Variants in LUZP2 observed in about 807,000 individuals in gnomAD.
LUZP2 encodes leucine zipper protein 2.
LUZP2 carries 52 observed loss-of-function variants against 51.6 expected under a neutral mutation model. The ratio of observed to expected loss-of-function variants is 1.01; its 90% confidence interval spans 0.81 to 1.27. The LOEUF (loss-of-function observed/expected upper bound fraction) is 1.27, where lower values mean the gene tolerates loss of function less well. Ranked by LOEUF, LUZP2 falls within the 50% of genes most tolerant of loss-of-function variation. LUZP2 has a pLI of 0.00. For missense variants in LUZP2, 436 were observed against 395.4 expected, an observed-to-expected ratio of 1.10 and a Z score of -0.87; for synonymous variants, 154 against 137.3, an observed-to-expected ratio of 1.12 and a Z score of -0.85.
At chr11:24,680,460 C>T (rs913944321) in intron 1 of LUZP2, among the ~76,000 whole-genome samples, 2 of 152,180 alleles carry the variant, frequency 1.3e-5, no homozygotes, top group African/African-American at 4.8e-5. Context: ...TTCTCAGTGT[C>T]CCAGTGTTCC....
chr11:24,820,566 G>A (rs1453890683), intron 5 of LUZP2, among the ~76,000 whole-genome samples: 1 of 152,104 alleles, frequency 6.6e-6, no homozygotes, highest in African/African-American at 2.4e-5. Flanking sequence ...ACAGAAACTA[G>A]TGATGAGATC....
intron 10 of LUZP2, among the ~76,000 whole-genome samples, chr11:25,063,488 T>A (rs1858908677): frequency 6.6e-6 from 1 of 151,738 alleles, no homozygotes; most frequent in Non-Finnish European, 1.5e-5. Flanking sequence ...GAGAGAGGAG[T>A]CTGCTTCAGC....
intron 1 of LUZP2, among the ~76,000 whole-genome samples, chr11:24,654,260 T>A (rs1855728150): frequency 6.6e-6 from 1 of 152,188 alleles, no homozygotes; most frequent in South Asian, 2.1e-4. Context: ...CCCTAATATT[T>A]GATTTACATA....
In LUZP2 at chr11:24,787,376, A is replaced by G. The variant is rs61520955; in HGVS notation, c.396+24068A>G. On this transcript the variant is annotated intron_variant, in intron 5 of 11. Coordinates refer to ENST00000336930, the MANE Select transcript of LUZP2 (RefSeq NM_001009909.4). ...AGACATAATCATAAAATCTACTACA[A>G]AGATTTATTGTGAAAACTAAGGTCA... Among the ~76,000 whole-genome samples, 572 of 152,290 alleles carry G rather than the reference A, an allele frequency of 3.8e-3. 2 individuals are homozygous for G. Among genetic ancestry groups the G allele is most frequent in the African/African-American group, 0.013 (537 of 41,572 alleles).
chr11:24,572,374 C>T (rs1852472606), intron 1 of LUZP2, among the ~76,000 whole-genome samples: 1 of 151,900 alleles, frequency 6.6e-6, no homozygotes, highest in Non-Finnish European at 1.5e-5. Flanking sequence ...AGGTCTCAAG[C>T]AATTCAGTTT....
At chr11:24,577,156 T>G (rs1351982486) in intron 1 of LUZP2, among the ~76,000 whole-genome samples, 3 of 148,400 alleles carry the variant, frequency 2.0e-5, no homozygotes, top group African/African-American at 7.5e-5. Flanking sequence ...GAAAAAAAAA[T>G]CAGCTGGTGC....
At chr11:24,525,867 A>G (rs1850783846) in intron 1 of LUZP2, among the ~76,000 whole-genome samples, 1 of 151,400 alleles carries the variant, frequency 6.6e-6, no homozygotes, top group Non-Finnish European at 1.5e-5. Context: ...TTAAACAGGA[A>G]GGAAGTGGTT....
chr11:24,602,126 G>GTATATATGTATATATGTATATA (rs533429284), intron 1 of LUZP2, among the ~76,000 whole-genome samples: 1 of 105,176 alleles, frequency 9.5e-6, no homozygotes, highest in Non-Finnish European at 2.0e-5. Flanking sequence ...ATGTATATAT[G>GTATATATGTATATATGTATATA]TATATGTGTA....
chr11:24,825,294 T>C (rs1850490665), intron 5 of LUZP2, among the ~76,000 whole-genome samples: 1 of 152,226 alleles, frequency 6.6e-6, no homozygotes, highest in African/African-American at 2.4e-5. Flanking sequence ...GTAAGAAAAC[T>C]TTTATTGTCA....
intron 4 of LUZP2, among the ~76,000 whole-genome samples, chr11:24,741,596 C>T (rs903031594): frequency 6.0e-5 from 9 of 151,146 alleles, no homozygotes; most frequent in Non-Finnish European, 1.0e-4. Flanking sequence ...CCCCAAAGTC[C>T]ATTGTATCAT....
At chr11:24,749,750 C>T (rs1178376918) in intron 4 of LUZP2, among the ~76,000 whole-genome samples, 1 of 152,204 alleles carries the variant, frequency 6.6e-6, no homozygotes, top group Non-Finnish European at 1.5e-5. Context: ...TGCCCTTGGA[C>T]ATCAGACTCC....
chr11:24,555,527 C>G (rs1851840770), intron 1 of LUZP2, among the ~76,000 whole-genome samples: 1 of 152,178 alleles, frequency 6.6e-6, no homozygotes, highest in African/African-American at 2.4e-5. Flanking sequence ...GACTCAACCT[C>G]TCTCTGGTAC....
chr11:25,013,546 T>C (rs1158213206), intron 9 of LUZP2, among the ~76,000 whole-genome samples: 3 of 152,148 alleles, frequency 2.0e-5, no homozygotes, highest in Non-Finnish European at 4.4e-5. Flanking sequence ...TGAAGATATA[T>C]TTAATATAAC....
chr11:24,987,327 A>T (rs938870980), intron 9 of LUZP2, among the ~76,000 whole-genome samples: 1 of 151,956 alleles, frequency 6.6e-6, no homozygotes, highest in African/African-American at 2.4e-5. Flanking sequence ...TCAGTTTTTT[A>T]TCATAAAAGT....
chr11:24,795,496 A>G (rs1849521962), intron 5 of LUZP2, among the ~76,000 whole-genome samples: 1 of 152,168 alleles, frequency 6.6e-6, no homozygotes, highest in African/African-American at 2.4e-5. Context: ...GTTTTATTAC[A>G]TACAATTCTC....
rs551114565 is a variant in LUZP2, at chr11:24,573,461, G to T, written c.62+76156G>T. ...TCATGAGGATTACCTTTTAAAAAATGCATTTAAAGCACTTACTATAGAAAG... is the reference window on the plus strand; with the variant it reads ...TCATGAGGATTACCTTTTAAAAAATTCATTTAAAGCACTTACTATAGAAAG... On this transcript the variant is annotated intron_variant, in intron 1 of 11. Transcript: ENST00000336930. 4.7e-4 allele frequency among the ~76,000 whole-genome samples: 71 copies of T among 149,610 alleles called. 1 individual carries two copies. Among genetic ancestry groups the T allele is most frequent in the Non-Finnish European group, 8.2e-4 (55 of 67,310 alleles).
At chr11:24,916,355 C>CTT (rs1853788760) in intron 7 of LUZP2, among the ~76,000 whole-genome samples, 2 of 151,754 alleles carry the variant, frequency 1.3e-5, no homozygotes, top group African/African-American at 4.8e-5. Flanking sequence ...TTAAATTATA[C>CTT]TTTAAGTTCT....
rs551341896 is a variant in LUZP2 at position 24,696,309 on chromosome 11, CCAGA to C, written c.63-32857_63-32854del. Reference sequence around the variant, plus strand: ...ATGTGTCTCTGAAGTTATTGAGTCACCAGACAAACAAAAAGGGTTACTGTAAACT... The same window carrying C: ...ATGTGTCTCTGAAGTTATTGAGTCACCAAACAAAAAGGGTTACTGTAAACT... On this transcript the variant is annotated intron_variant, in intron 1 of 11. Transcript: ENST00000336930. Among the ~76,000 whole-genome samples the C allele has an allele frequency of 1.8e-4, 28 of 152,044 alleles. No homozygotes were observed. In the South Asian group the frequency reaches 5.2e-3, roughly 28 times the overall value.
At chr11:24,931,409 C>T (rs1477342124) in intron 7 of LUZP2, among the ~76,000 whole-genome samples, 2 of 151,914 alleles carry the variant, frequency 1.3e-5, no homozygotes, top group Non-Finnish European at 2.9e-5. Context: ...GGGCGTTTCT[C>T]GTTAGGTAGA....
Sources: allele counts gnomAD v4.1 joint callset (sites outside exome capture counted in the v4.1 genomes callset), GRCh38; gene constraint gnomAD v4.1.1; transcripts MANE v1.5; gene names NCBI Gene and HGNC (gene_info 2026-07-23, HGNC 2026-07-21).